Variants in APBA2 observed in about 807,000 individuals in gnomAD.
The protein encoded by APBA2 is amyloid beta precursor protein binding family A member 2.
APBA2 carries 30 observed loss-of-function variants against 75.0 expected under a neutral mutation model. That is an observed-to-expected ratio of 0.40 (90% CI 0.30 to 0.54). The LOEUF is 0.54. Ranked by LOEUF, APBA2 falls within the 20% of genes least tolerant of loss-of-function variation. The pLI, the probability that APBA2 is intolerant of heterozygous loss-of-function variation, is 0.49. For missense variants in APBA2, 801 were observed against 1,016.1 expected, an observed-to-expected ratio of 0.79 and a Z score of 2.88; for synonymous variants, 444 against 409.6, an observed-to-expected ratio of 1.08 and a Z score of -1.01.
chr15:28,904,927 C>T (rs1446278737), intron 1 of APBA2, among the ~76,000 whole-genome samples: 1 of 152,168 alleles, frequency 6.6e-6, no homozygotes, highest in African/African-American at 2.4e-5. Flanking sequence ...TTGTCCCACT[C>T]ACCAGCACAC....
chr15:28,927,099 C>T (rs564274048), intron 2 of APBA2, among the ~76,000 whole-genome samples: 16 of 152,164 alleles, frequency 1.1e-4, no homozygotes, highest in African/African-American at 3.6e-4. Flanking sequence ...CTCAAATCAT[C>T]TGCCTGCCTC....
At position 29,108,359 on chromosome 15, in the gene APBA2, C is replaced by T. The variant is rs1329374767; in HGVS notation, c.2007C>T (p.Tyr669=). The T allele has an allele frequency of 1.2e-6, 2 of 1,614,124 alleles. No homozygotes were observed. The highest frequency in any genetic ancestry group is 8.5e-7 in the Non-Finnish European group (1 of 1,180,044). ...TVLIKRPDLK[Y]QLGFSVQNGI... ...TTATCAAGCGGCCAGACCTCAAGTA[C>T]CAGCTGGGCTTCAGCGTGCAGAATG... The change falls in exon 13 of 15, where the codon TAC becomes TAT. Residue 669 remains tyrosine (Y), a synonymous_variant. Coordinates refer to ENST00000683413, the MANE Select transcript of APBA2 (RefSeq NM_001353788.2).
At chr15:28,930,597 C>A (rs531917149) in intron 2 of APBA2, among the ~76,000 whole-genome samples, 2 of 152,016 alleles carry the variant, frequency 1.3e-5, no homozygotes, top group African/African-American at 4.8e-5. Context: ...TCTTTCTTTG[C>A]CTCTGTTTTT....
At chr15:28,945,483 G>A (rs1416896207) in intron 2 of APBA2, among the ~76,000 whole-genome samples, 1 of 151,836 alleles carries the variant, frequency 6.6e-6, no homozygotes, top group Admixed American at 6.6e-5. Flanking sequence ...AGGGTTATTG[G>A]TGGCTAGACA....
intron 2 of APBA2, among the ~76,000 whole-genome samples, chr15:28,984,815 CT>C (rs1056462999): frequency 6.6e-6 from 1 of 150,688 alleles, no homozygotes; most frequent in Non-Finnish European, 1.5e-5. Context: ...TCTCTCCCCC[CT>C]CCCACTGCCA....
rs768919844 is a variant in APBA2 at position 29,108,281 on chromosome 15, C to G, written c.1929C>G (p.Asn643Lys). 6.2e-7 allele frequency: 1 copy of G among 1,613,902 alleles called. No homozygotes were observed. Among genetic ancestry groups the G allele is most frequent in the East Asian group, 2.2e-5 (1 of 44,890 alleles). The stretch of plus-strand genomic sequence containing the variant: ...CCCGTGCTCTGCAGGGCCTGAAGAA[C>G]CAGACACAGGTGAAGCTCAACATTG... ...TCQGIIKGLK[N>K]QTQVKLNIVS... The change falls in exon 13 of 15, where the codon AAC becomes AAG. Residue 643 changes from asparagine (N) to lysine (K), a missense_variant. Physicochemically the swap from Asn to Lys is moderately conservative, Grantham distance 94 (BLOSUM62 0). Coordinates refer to ENST00000683413, the MANE Select transcript of APBA2 (RefSeq NM_001353788.2).
At chr15:28,942,598 C>T (rs1373159600) in intron 2 of APBA2, among the ~76,000 whole-genome samples, 1 of 152,210 alleles carries the variant, frequency 6.6e-6, no homozygotes, top group Non-Finnish European at 1.5e-5. Flanking sequence ...TTGGACCCAC[C>T]TGCCTGATGC....
At chr15:29,048,828 A>G (rs1042504107) in intron 3 of APBA2, among the ~76,000 whole-genome samples, 1 of 151,852 alleles carries the variant, frequency 6.6e-6, no homozygotes, top group African/African-American at 2.4e-5. Context: ...CTGTAGTCCT[A>G]GCTACTCGGG....
intron 4 of APBA2, among the ~76,000 whole-genome samples, chr15:29,059,465 A>G (rs1232576702): frequency 6.6e-6 from 1 of 152,190 alleles, no homozygotes; most frequent in Non-Finnish European, 1.5e-5. Context: ...TGGGACAATA[A>G]CTGATTAAAA....
At chr15:28,888,339 T>G (rs912461826) in intron 1 of APBA2, among the ~76,000 whole-genome samples, 3 of 152,178 alleles carry the variant, frequency 2.0e-5, no homozygotes, top group African/African-American at 7.2e-5. Context: ...TAGACAAAAC[T>G]GAGGAAGTCA....
At chr15:28,946,689 G>A (rs899346275) in intron 2 of APBA2, among the ~76,000 whole-genome samples, 2 of 151,944 alleles carry the variant, frequency 1.3e-5, no homozygotes, top group African/African-American at 2.4e-5. Flanking sequence ...AGCCATTTTC[G>A]TGCCTCAACC....
chr15:29,083,763 T>A (rs1475525197), intron 6 of APBA2, among the ~76,000 whole-genome samples: 2 of 152,188 alleles, frequency 1.3e-5, no homozygotes, highest in Non-Finnish European at 2.9e-5. Context: ...ACTCCTGACC[T>A]CAGGTAACCC....
chr15:29,016,425 A>G (rs1425249823), intron 3 of APBA2, among the ~76,000 whole-genome samples: 1 of 152,012 alleles, frequency 6.6e-6, no homozygotes, highest in Non-Finnish European at 1.5e-5. Flanking sequence ...AAGACCCCTC[A>G]CTTCCTGGTC....
At chr15:28,950,144 C>T (rs1265837780) in intron 2 of APBA2, among the ~76,000 whole-genome samples, 5 of 152,100 alleles carry the variant, frequency 3.3e-5, no homozygotes, top group Admixed American at 3.3e-4. Context: ...GAATATCCTT[C>T]GATTTGGGTT....
chr15:29,042,277 C>T (rs1386999165), intron 3 of APBA2, among the ~76,000 whole-genome samples: 3 of 152,286 alleles, frequency 2.0e-5, no homozygotes, highest in East Asian at 3.9e-4. Flanking sequence ...CTCTCTCTCT[C>T]GCTGTCTCTT....
At chr15:29,116,357 T>G (rs1033974593) in intron 14 of APBA2, among the ~76,000 whole-genome samples, 8 of 151,980 alleles carry the variant, frequency 5.3e-5, no homozygotes, top group Non-Finnish European at 8.8e-5. Flanking sequence ...CCGGGCGCGG[T>G]GGCTCAGGCC....
intron 14 of APBA2, among the ~76,000 whole-genome samples, chr15:29,116,684 G>C (rs12917262): frequency 0.73 from 111,085 of 151,704 alleles, 43,245 homozygotes; most frequent in Non-Finnish European, 0.88. Flanking sequence ...CTCCTCCTCA[G>C]TGAAGCAGAG....
At chr15:29,063,898 G>A (rs2152906957) in intron 4 of APBA2, among the ~76,000 whole-genome samples, 1 of 152,176 alleles carries the variant, frequency 6.6e-6, no homozygotes, top group South Asian at 2.1e-4. Context: ...TAGGATGAGA[G>A]GAGGACCAGG....
rs985411765 is a variant in APBA2 at position 28,917,031 on chromosome 15, A to G, written c.-204-4609A>G. ...TCAAAAAAAGGGAAAGCTAGCAAAA[A>G]AGCAATTCTCTGCCAACAGCTGAAT... On this transcript the variant is annotated intron_variant, in intron 1 of 14. Transcript: ENST00000683413. Among the ~76,000 whole-genome samples, 325 of 152,258 alleles carry G rather than the reference A, an allele frequency of 2.1e-3. 3 individuals are homozygous for G. Among genetic ancestry groups the G allele is most frequent in the African/African-American group, 7.5e-3 (313 of 41,536 alleles).
Sources: allele counts gnomAD v4.1 joint callset (sites outside exome capture counted in the v4.1 genomes callset), GRCh38; gene constraint gnomAD v4.1.1; transcripts MANE v1.5; gene names NCBI Gene and HGNC (gene_info 2026-07-23, HGNC 2026-07-21).